The following GRB10 variants were observed in gnomAD, a reference collection of about 807,000 sequenced individuals.
GRB10 encodes the protein growth factor receptor-bound protein 10.
A neutral mutation model predicts 80.9 loss-of-function variants in GRB10; 20 were observed. The ratio of observed to expected loss-of-function variants is 0.25; its 90% CI spans 0.17 to 0.36. The LOEUF is 0.36. Among genes scored for constraint, GRB10 ranks in the 10% least tolerant of loss-of-function variants. The pLI, the probability that GRB10 is intolerant of heterozygous loss-of-function variation, is 1.00. For missense variants in GRB10, 548 were observed against 747.7 expected (o/e 0.73, Z 3.12); for synonymous variants, 291 against 291.5 (o/e 1.00, Z 0.02).
chr7:50,701,047 C>T (rs2064137977), intron 5 of GRB10, among the ~76,000 whole-genome samples: 1 of 152,118 alleles, frequency 6.6e-6, no homozygotes, highest in South Asian at 2.1e-4. Flanking sequence ...TTTCTCTTCA[C>T]ATCTTGTTTT....
intron 1 of GRB10, among the ~76,000 whole-genome samples, chr7:50,788,014 G>A (rs912722246): frequency 1.1e-4 from 16 of 152,066 alleles, no homozygotes; most frequent in African/African-American, 3.1e-4. Flanking sequence ...TAGGAACAGC[G>A]ATCTCAAGCA....
rs10559456 is a variant in GRB10 at position 50,717,450 on chromosome 7, A to AGTGT, written c.52-13546_52-13543dup. On this transcript the variant is annotated intron_variant, in intron 4 of 18. Transcript: ENST00000401949. ...ACTCACTCACATGAGAAGCTTGAAG[A>AGTGT]GTGTGTGTGTGTGTGTGCATGCGCA... Among the ~76,000 whole-genome samples, 377 of 151,592 alleles carry AGTGT rather than the reference A, an allele frequency of 2.5e-3. 3 individuals carry two copies. The highest frequency in any genetic ancestry group is 3.6e-3 in the Non-Finnish European group (245 of 67,850).
intron 18 of GRB10, among the ~76,000 whole-genome samples, chr7:50,594,392 G>C (rs2046281306): frequency 6.6e-6 from 1 of 152,232 alleles, no homozygotes; most frequent in Non-Finnish European, 1.5e-5. Flanking sequence ...ATGGCTGCCA[G>C]TCACTACACG....
chr7:50,620,007 C>T (rs772205823), intron 8 of GRB10, among the ~76,000 whole-genome samples: 3 of 152,198 alleles, frequency 2.0e-5, no homozygotes, highest in African/African-American at 7.2e-5. Flanking sequence ...AGGGAAAAGT[C>T]GCTTCCCTCA....
chr7:50,631,033 A>C (rs1446076230), intron 7 of GRB10, among the ~76,000 whole-genome samples: 2 of 151,854 alleles, frequency 1.3e-5, no homozygotes, highest in African/African-American at 4.8e-5. Context: ...CCCAAACTCC[A>C]CTCTGGGGCA....
At chr7:50,641,844 G>A (rs1045941232) in intron 7 of GRB10, among the ~76,000 whole-genome samples, 1 of 152,200 alleles carries the variant, frequency 6.6e-6, no homozygotes, top group African/African-American at 2.4e-5. Flanking sequence ...TCAGTGGCCT[G>A]AGGATTTACC....
At chr7:50,685,442 T>C (rs992601836) in intron 5 of GRB10, among the ~76,000 whole-genome samples, 1 of 152,016 alleles carries the variant, frequency 6.6e-6, no homozygotes, top group African/African-American at 2.4e-5. Context: ...ACATATCCCG[T>C]AGGAAAGAGT....
chr7:50,742,859 T>G (rs1315904829), intron 3 of GRB10, among the ~76,000 whole-genome samples: 1 of 151,992 alleles, frequency 6.6e-6, no homozygotes, highest in African/African-American at 2.4e-5. Flanking sequence ...GGGAAAAAAT[T>G]CAGTAACGCT....
chr7:50,692,692 G>A (rs1435929156), intron 5 of GRB10, among the ~76,000 whole-genome samples: 1 of 152,110 alleles, frequency 6.6e-6, no homozygotes, highest in Non-Finnish European at 1.5e-5. Flanking sequence ...GTAGAACCTT[G>A]TGGTATATAC....
At chr7:50,730,286 ACT>A (rs2069445043) in intron 4 of GRB10, among the ~76,000 whole-genome samples, 1 of 152,198 alleles carries the variant, frequency 6.6e-6, no homozygotes, top group African/African-American at 2.4e-5. Flanking sequence ...CACATCAGTG[ACT>A]CACGGACTGA....
chr7:50,736,967 G>A (rs2070901724), intron 3 of GRB10, among the ~76,000 whole-genome samples: 1 of 152,142 alleles, frequency 6.6e-6, no homozygotes, highest in Non-Finnish European at 1.5e-5. Context: ...AAATCTTCAT[G>A]ACATTAAATA....
intron 7 of GRB10, among the ~76,000 whole-genome samples, chr7:50,638,971 G>A (rs187865549): frequency 1.2e-4 from 19 of 152,350 alleles, no homozygotes; most frequent in African/African-American, 4.6e-4. Flanking sequence ...ATTATCTTAA[G>A]TGAATTAACT....
intron 2 of GRB10, among the ~76,000 whole-genome samples, chr7:50,772,085 G>A (rs2077033380): frequency 6.6e-6 from 1 of 152,082 alleles, no homozygotes; most frequent in Non-Finnish European, 1.5e-5. Flanking sequence ...ATCTATTCAG[G>A]CGACCTCCTT....
At chr7:50,727,788 C>A (rs1409502004) in intron 4 of GRB10, 5 of 152,022 alleles carry the variant, frequency 3.3e-5, no homozygotes, top group Admixed American at 2.6e-4. Flanking sequence ...AAAAAAATCA[C>A]ATACCAGCTC....
chr7:50,623,160 C>T (rs1485255774), intron 8 of GRB10, among the ~76,000 whole-genome samples: 2 of 152,106 alleles, frequency 1.3e-5, no homozygotes, highest in South Asian at 2.1e-4. Flanking sequence ...GACTTACTGT[C>T]GGCTGTTGAG....
At chr7:50,631,265 C>T (rs2053947677) in intron 7 of GRB10, among the ~76,000 whole-genome samples, 1 of 152,130 alleles carries the variant, frequency 6.6e-6, no homozygotes. Flanking sequence ...GCAGTAATCG[C>T]CTTGTAAAAA....
At chr7:50,694,079 C>A (rs2153660672) in intron 5 of GRB10, among the ~76,000 whole-genome samples, 1 of 152,294 alleles carries the variant, frequency 6.6e-6, no homozygotes, top group Non-Finnish European at 1.5e-5. Flanking sequence ...CTGGCTCATG[C>A]CTGTAATCCC....
chr7:50,604,023 T>C lies in GRB10; in HGVS notation c.1519A>G (p.Ile507Val). ...CCATCCACGAGCCCTTGCTGTTTAA[T>C]GATCCTGTGGGATTCCTCCCTGGAG... ...RISREESHRI[I>V]KQQGLVDGLF... The change falls in exon 17 of 19, where the codon ATT (isoleucine) becomes GTT (valine). Residue 507 changes from isoleucine to valine, a missense_variant. Physicochemically the swap from Ile to Val is conservative, Grantham distance 29. Around this residue, in one of 4 missense-constraint regions of GRB10, gnomAD observed 270 missense variants for 433.6 expected, o/e 0.62. Transcript: ENST00000401949. The C allele has an allele frequency of 1.9e-6, 3 of 1,614,050 alleles. No individual in the cohort carries two copies. The highest frequency in any genetic ancestry group is 1.1e-5 in the South Asian group (1 of 91,088).
chr7:50,742,271 G>GCA (rs55813195), intron 3 of GRB10, among the ~76,000 whole-genome samples: 3,275 of 46,770 alleles, frequency 0.07, 56 homozygotes, highest in East Asian at 0.2. Context: ...ACGCGCGCGC[G>GCA]CACACACACA....
Sources: allele counts gnomAD v4.1 joint callset (sites outside exome capture counted in the v4.1 genomes callset), GRCh38; gene constraint gnomAD v4.1.1; regional missense constraint gnomAD v4.1.1; transcripts MANE v1.5; gene names NCBI Gene and HGNC (gene_info 2026-07-23, HGNC 2026-07-21).